Variants in ARID2 observed in about 807,000 individuals in gnomAD.
ARID2 encodes AT-rich interaction domain 2, also known as AT-rich interactive domain-containing protein 2.
ARID2 carries 32 observed loss-of-function variants against 184.6 expected under a neutral mutation model. The ratio of observed to expected loss-of-function variants is 0.17; its 90% CI spans 0.13 to 0.23. The LOEUF (loss-of-function observed/expected upper bound fraction) is 0.23. Among genes scored for constraint, ARID2 ranks in the 10% least tolerant of loss-of-function variants. ARID2 has a pLI of 1.00. For missense variants in ARID2, 1,696 were observed against 2,197.6 expected (o/e 0.77, Z 4.56); for synonymous variants, 836 against 772.6 (o/e 1.08, Z -1.36).
chr12:45,770,821 A>G (rs1441298373), intron 3 of ARID2, among the ~76,000 whole-genome samples: 1 of 152,174 alleles, frequency 6.6e-6, no homozygotes, highest in Non-Finnish European at 1.5e-5. Flanking sequence ...AAGGGTAGAG[A>G]TCAATCAGAG....
At chr12:45,780,332 A>ATC (rs1942065553) in intron 3 of ARID2, among the ~76,000 whole-genome samples, 1 of 152,204 alleles carries the variant, frequency 6.6e-6, no homozygotes, top group African/African-American at 2.4e-5. Flanking sequence ...AAATGGCCTT[A>ATC]TAGTTAAAGA....
At chr12:45,815,178 T>C (rs1357191211) in intron 4 of ARID2, among the ~76,000 whole-genome samples, 1 of 152,164 alleles carries the variant, frequency 6.6e-6, no homozygotes, top group African/African-American at 2.4e-5. Flanking sequence ...CAGATTTACC[T>C]GAAAGCTATG....
chr12:45,742,943 C>T lies in ARID2; in HGVS notation c.284+11629C>T, dbSNP rs1941290605. Among the ~76,000 whole-genome samples the T allele has an allele frequency of 4.6e-5, 7 of 152,072 alleles. No individual in the cohort carries two copies. In the South Asian group the frequency reaches 1.5e-3, roughly 32 times the overall value. On this transcript the variant is annotated intron_variant, in intron 3 of 20. Coordinates refer to ENST00000334344, the MANE Select transcript of ARID2 (RefSeq NM_152641.4). The stretch of plus-strand genomic sequence containing the variant: ...ACAGTATATGAAAATACCTGTTTTC[C>T]ACAACTTTGCTCTGTTGTCTGGCTT...
At chr12:45,892,166 C>T (rs1226844749) in intron 18 of ARID2, 70 bp downstream of exon 18, 131 of 1,465,882 alleles carry the variant, frequency 8.9e-5, no homozygotes, top group South Asian at 8.1e-4. Context: ...GAAAATGAAA[C>T]GCAACTTAGC....
chr12:45,812,530 G>A (rs1942729666), intron 4 of ARID2, among the ~76,000 whole-genome samples: 1 of 152,080 alleles, frequency 6.6e-6, no homozygotes, highest in Admixed American at 6.6e-5. Context: ...TGTATAATTG[G>A]GGTAGGGGTG....
intron 7 of ARID2, 21 bp downstream of exon 7, chr12:45,836,676 T>C: frequency 6.2e-7 from 1 of 1,602,746 alleles, no homozygotes; most frequent in Non-Finnish European, 8.5e-7. Flanking sequence ...GAAAGCAAAA[T>C]TTTTCAAAAC....
chr12:45,818,259 C>T (rs1942841425), intron 5 of ARID2, among the ~76,000 whole-genome samples: 1 of 152,084 alleles, frequency 6.6e-6, no homozygotes, highest in South Asian at 2.1e-4. Flanking sequence ...CATTTTAGGT[C>T]AATGCATTTG....
At chr12:45,864,692 G>A (rs182955542) in intron 16 of ARID2, among the ~76,000 whole-genome samples, 1 of 152,236 alleles carries the variant, frequency 6.6e-6, no homozygotes, top group Admixed American at 6.5e-5. Flanking sequence ...AAATGATATT[G>A]TGTACTTCCA....
At position 45,828,377 on chromosome 12, in the gene ARID2, G is replaced by A. The variant is rs556908490; in HGVS notation, c.705+6890G>A. 3.3e-5 allele frequency among the ~76,000 whole-genome samples: 5 copies of A among 152,110 alleles called. No homozygotes were observed. The East Asian group carries it at 9.6e-4, about 29-fold the overall frequency. ...TTTGTTCTACTGTAAAAAGCAATAA[G>A]GATTTAGTTATTTCCAGGTTGGACA... On this transcript the variant is annotated intron_variant, in intron 6 of 20. Transcript: ENST00000334344.
chr12:45,849,479 C>T (rs1417929877), intron 13 of ARID2, 101 bp from the exon 14 acceptor site: 3 of 883,216 alleles, frequency 3.4e-6, no homozygotes, highest in Non-Finnish European at 5.1e-6. Flanking sequence ...CTGGTTCATA[C>T]ATAAGCAACA....
intron 3 of ARID2, among the ~76,000 whole-genome samples, chr12:45,810,252 G>A (rs1170851738): frequency 1.3e-5 from 2 of 152,128 alleles, no homozygotes; most frequent in Non-Finnish European, 2.9e-5. Flanking sequence ...ATCTTACTTG[G>A]AAATCTTACT....
At chr12:45,792,218 T>C (rs1250690836) in intron 3 of ARID2, among the ~76,000 whole-genome samples, 2 of 152,202 alleles carry the variant, frequency 1.3e-5, no homozygotes, top group African/African-American at 4.8e-5. Flanking sequence ...TTTAGCTTGT[T>C]CCCACAAGTT....
intron 3 of ARID2, among the ~76,000 whole-genome samples, chr12:45,773,683 TAAAAAAA>T (rs201311568): frequency 6.7e-6 from 1 of 148,566 alleles, no homozygotes; most frequent in East Asian, 2.0e-4. Context: ...AAAATTGACT[TAAAAAAA>T]AAAGACAATG....
At chr12:45,885,821 C>T (rs894174764) in intron 16 of ARID2, among the ~76,000 whole-genome samples, 7 of 152,140 alleles carry the variant, frequency 4.6e-5, no homozygotes, top group African/African-American at 1.7e-4. Context: ...CTCAGTATCA[C>T]AAGAACAGCA....
intron 16 of ARID2, among the ~76,000 whole-genome samples, chr12:45,875,601 T>A (rs1300634330): frequency 6.6e-6 from 1 of 152,268 alleles, no homozygotes; most frequent in Non-Finnish European, 1.5e-5. Context: ...CTGTTTGATC[T>A]TTATTGAAAA....
chr12:45,734,134 C>T lies in ARID2; in HGVS notation c.284+2820C>T, dbSNP rs547088192. Reference sequence around the variant, plus strand: ...CTGTAATCTCAGCACTTTGGGAGGCCGAGGCAGACGGATTACCTGAGGTCA... The same window carrying T: ...CTGTAATCTCAGCACTTTGGGAGGCTGAGGCAGACGGATTACCTGAGGTCA... On this transcript the variant is annotated intron_variant, in intron 3 of 20. Transcript: ENST00000334344. Among the ~76,000 whole-genome samples the T allele has an allele frequency of 1.3e-4, 20 of 152,190 alleles. No homozygotes were observed. In the South Asian group the frequency reaches 3.5e-3, roughly 27 times the overall value.
intron 3 of ARID2, among the ~76,000 whole-genome samples, chr12:45,810,288 A>T (rs1192052966): frequency 6.6e-6 from 1 of 152,218 alleles, no homozygotes; most frequent in Non-Finnish European, 1.5e-5. Flanking sequence ...ATGAGGTATT[A>T]TGAATTTGAA....
At chr12:45,764,076 C>G (rs1005727874) in intron 3 of ARID2, among the ~76,000 whole-genome samples, 6 of 151,980 alleles carry the variant, frequency 3.9e-5, no homozygotes, top group African/African-American at 1.2e-4. Context: ...CATTTCTCAA[C>G]TAGTTTTTTT....
At chr12:45,730,499 G>C (rs534541709) in intron 2 of ARID2, among the ~76,000 whole-genome samples, 2 of 151,590 alleles carry the variant, frequency 1.3e-5, no homozygotes, top group Non-Finnish European at 3.0e-5. Context: ...GCTCGCTCGC[G>C]AGTCAGCTCT....
Sources: allele counts gnomAD v4.1 joint callset (sites outside exome capture counted in the v4.1 genomes callset), GRCh38; gene constraint gnomAD v4.1.1; transcripts MANE v1.5; gene names NCBI Gene and HGNC (gene_info 2026-07-23, HGNC 2026-07-21).